NIPBL: variants seen among roughly 807,000 people sequenced by gnomAD.
The protein encoded by NIPBL is NIPBL cohesin loading factor.
In NIPBL, 19 loss-of-function variants were observed where a neutral mutation model predicts 321.8. The observed-to-expected ratio is 0.06, with a 90% CI of 0.04 to 0.09. The LOEUF (loss-of-function observed/expected upper bound fraction) is 0.09. NIPBL is among the 10% of genes least tolerant of loss of function. The pLI is 1.00. For missense variants in NIPBL, 2,210 were observed against 3,327.0 expected (o/e 0.66, Z 8.26); for synonymous variants, 1,106 against 1,114.1 (o/e 0.99, Z 0.14).
chr5:36,939,643 AAC>A (rs1309024229), intron 1 of NIPBL, among the ~76,000 whole-genome samples: 1 of 152,216 alleles, frequency 6.6e-6, no homozygotes, highest in African/African-American at 2.4e-5. Flanking sequence ...ATTTATAAAA[AAC>A]AGAGATTTAT....
At chr5:36,930,797 A>G (rs914707371) in intron 1 of NIPBL, among the ~76,000 whole-genome samples, 3 of 152,130 alleles carry the variant, frequency 2.0e-5, no homozygotes, top group Admixed American at 1.3e-4. Context: ...CAAAATGGTC[A>G]TGTAGCTTTA....
Position 36,960,916 on chromosome 5 carries a change from A to G in NIPBL, c.359-568A>G, listed in dbSNP as rs1248362523. ...ATTCCGTTAATCCCTACTATGTGAC[A>G]AAGAGTTATTGTGAAAGAAGGAATA... On this transcript the variant is annotated intron_variant, in intron 4 of 46. Coordinates refer to ENST00000282516, the MANE Select transcript of NIPBL (RefSeq NM_133433.4). 4.6e-5 allele frequency among the ~76,000 whole-genome samples: 7 copies of G among 152,264 alleles called. No individual in the cohort carries two copies. The East Asian group carries it at 9.6e-4, about 21-fold the overall frequency.
Position 36,971,055 on chromosome 5 carries a change from T to G in NIPBL, c.771+19T>G, listed in dbSNP as rs1561094571. ...TAGTGACGTATGTAATATATTATCA[T>G]TAAGGTGATAAAATAGTTCTAATAT... On this transcript the variant is annotated intron_variant, in intron 7 of 46. Coordinates refer to ENST00000282516, the MANE Select transcript of NIPBL (RefSeq NM_133433.4). 1 of 1,592,842 alleles carries G rather than the reference T, an allele frequency of 6.3e-7. No homozygotes were observed. Among genetic ancestry groups the G allele is most frequent in the Non-Finnish European group, 8.6e-7 (1 of 1,160,900 alleles).
At chr5:36,890,619 G>A (rs1746251618) in intron 1 of NIPBL, among the ~76,000 whole-genome samples, 1 of 152,134 alleles carries the variant, frequency 6.6e-6, no homozygotes, top group African/African-American at 2.4e-5. Context: ...AATTAGCATG[G>A]GATCTAAACT....
Position 36,985,094 on chromosome 5 carries a change from T to C in NIPBL, c.1914T>C (p.Asn638=), listed in dbSNP as rs1438731625. 1 of 1,613,434 alleles carries C rather than the reference T, an allele frequency of 6.2e-7. No homozygotes were observed. Residue 638 remains asparagine (N), a synonymous_variant, in exon 10 of 47, where the codon AAT becomes AAC. Coordinates refer to ENST00000282516, the MANE Select transcript of NIPBL (RefSeq NM_133433.4). The stretch of plus-strand genomic sequence containing the variant: ...TGGTGGAGACAAAATCAAGTGAAAA[T>C]AAGTTAGAAACTAAAGTTGAGACCC... ...NRLVETKSSE[N]KLETKVETQT...
chr5:37,011,054 T>G (rs1748058639), intron 21 of NIPBL, among the ~76,000 whole-genome samples: 1 of 152,192 alleles, frequency 6.6e-6, no homozygotes, highest in Non-Finnish European at 1.5e-5. Flanking sequence ...TAAATTCATG[T>G]GGAAAATGAG....
intron 11 of NIPBL, among the ~76,000 whole-genome samples, chr5:36,999,139 T>C (rs1466566203): frequency 6.6e-6 from 1 of 152,160 alleles, no homozygotes; most frequent in Non-Finnish European, 1.5e-5. Flanking sequence ...AGTATAGACA[T>C]TTATTACCCA....
At chr5:37,006,281 C>A (rs955172456) in intron 16 of NIPBL, 76 bp from the exon 17 acceptor site, 2 of 843,248 alleles carry the variant, frequency 2.4e-6, no homozygotes, top group African/African-American at 1.7e-5. Flanking sequence ...CAGTGAAAAT[C>A]AAATCATAAT....
rs753237164 is a variant in NIPBL at position 37,044,329 on chromosome 5, T to C, written c.6109-18T>C. The C allele has an allele frequency of 3.7e-6, 6 of 1,610,216 alleles. No individual in the cohort carries two copies. The highest frequency in any genetic ancestry group is 5.1e-6 in the Non-Finnish European group (6 of 1,176,986). On this transcript the variant is annotated intron_variant, in intron 34 of 46. Transcript: ENST00000282516. ...TCAGGTTTTGGATATTCATAAAGCATTAATTTTATTCTTATAGACGCAAAA... is the reference window on the plus strand; with the variant it reads ...TCAGGTTTTGGATATTCATAAAGCACTAATTTTATTCTTATAGACGCAAAA...
intron 27 of NIPBL, among the ~76,000 whole-genome samples, 170 bp from the exon 28 acceptor site, chr5:37,021,881 C>A (rs1002446069): frequency 2.0e-5 from 3 of 152,172 alleles, no homozygotes; most frequent in African/African-American, 7.2e-5. Context: ...AACACCTGTA[C>A]TGATTTTTAA....
intron 1 of NIPBL, among the ~76,000 whole-genome samples, chr5:36,921,866 T>G (rs1434599265): frequency 6.6e-6 from 1 of 151,244 alleles, no homozygotes; most frequent in Non-Finnish European, 1.5e-5. Flanking sequence ...TTCCTCAAAG[T>G]GTTTTTTTGG....
At chr5:37,064,111 A>G in intron 46 of NIPBL, 133 bp downstream of exon 46, 1 of 1,459,988 alleles carries the variant, frequency 6.8e-7, no homozygotes, top group South Asian at 1.5e-5. Flanking sequence ...TTGTAGATAG[A>G]GATTCTCTAC....
At chr5:37,046,008 C>G (rs979495364) in intron 37 of NIPBL, 101 bp from the exon 38 acceptor site, 2 of 686,036 alleles carry the variant, frequency 2.9e-6, no homozygotes, top group Non-Finnish European at 5.3e-6. Flanking sequence ...TAATAAAGTT[C>G]ACACAAATTC....
intron 1 of NIPBL, among the ~76,000 whole-genome samples, chr5:36,880,098 G>A (rs1745389808): frequency 6.6e-6 from 1 of 150,408 alleles, no homozygotes; most frequent in South Asian, 2.1e-4. Flanking sequence ...AGTAAACTTG[G>A]TTCTTCATAG....
At position 36,996,218 on chromosome 5, in the gene NIPBL, G is replaced by A. The variant is rs1209749961; in HGVS notation, c.3304+414G>A. 2.6e-5 allele frequency among the ~76,000 whole-genome samples: 4 copies of A among 152,210 alleles called. No individual in the cohort carries two copies. The East Asian group carries it at 7.7e-4, about 29-fold the overall frequency. ...ACAATGATAACAGTAAATCCAGGGT[G>A]CTATGGGAACACATTGGATTGGCAT... is the stretch of plus-strand genomic sequence containing the variant. On this transcript the variant is annotated intron_variant, in intron 11 of 46. Coordinates refer to ENST00000282516, the MANE Select transcript of NIPBL (RefSeq NM_133433.4). This position sits in a 1 kb window ranked among gnomAD's most constrained non-coding sequence, Gnocchi z 5.0.
rs1422655768 is a variant in NIPBL at position 36,952,056 on chromosome 5, GCGCGCGCGCGCGCGCGCA to G, written c.-79-1561_-79-1544del. On this transcript the variant is annotated intron_variant, in intron 1 of 46. Transcript: ENST00000282516. ...TGTGTGTGTGTGTGTGTGTGTGTGC[GCGCGCGCGCGCGCGCGCA>G]TGTGTGTGTGTAGCAGTTTAATGTA... Among the ~76,000 whole-genome samples, 218 of 93,362 alleles carry G rather than the reference GCGCGCGCGCGCGCGCGCA, an allele frequency of 2.3e-3. 1 individual carries two copies. The highest frequency in any genetic ancestry group is 3.6e-3 in the African/African-American group (97 of 26,992). The allele number at this position is 93,362 out of a possible 152,430, so 61.2% of individuals were successfully genotyped here. A position where few individuals can be genotyped will look rare whatever the true frequency, so the allele number is the denominator to read the frequency against.
intron 1 of NIPBL, chr5:36,885,420 C>G: frequency 2.2e-6 from 1 of 454,666 alleles, no homozygotes; most frequent in Non-Finnish European, 4.3e-6. Flanking sequence ...CAGGGTCTGG[C>G]AGGAATGGGA....
chr5:37,005,796 G>A (rs750263426), intron 16 of NIPBL, among the ~76,000 whole-genome samples: 8 of 152,050 alleles, frequency 5.3e-5, no homozygotes, highest in Non-Finnish European at 1.2e-4. Context: ...TTAAAATAAA[G>A]TCTTCTGTCA....
intron 1 of NIPBL, among the ~76,000 whole-genome samples, chr5:36,897,427 G>A (rs1746840097): frequency 1.3e-5 from 2 of 152,098 alleles, no homozygotes; most frequent in African/African-American, 2.4e-5. Flanking sequence ...TGTAACTCAT[G>A]CTCTTCTTTC....
Sources: allele counts gnomAD v4.1 joint callset (sites outside exome capture counted in the v4.1 genomes callset), GRCh38; gene constraint gnomAD v4.1.1; non-coding constraint Gnocchi (gnomAD v3.1); transcripts MANE v1.5; gene names NCBI Gene and HGNC (gene_info 2026-07-23, HGNC 2026-07-21).